Variants in DLGAP1 observed in about 807,000 individuals in gnomAD.
DLGAP1 encodes the protein DLG associated protein 1.
A neutral mutation model predicts 90.8 loss-of-function variants in DLGAP1; 11 were observed. The observed-to-expected ratio is 0.12, with a 90% CI of 0.08 to 0.20. DLGAP1 has a LOEUF of 0.20. DLGAP1 is among the 10% of genes least tolerant of loss of function. The pLI, the probability that DLGAP1 is intolerant of heterozygous loss-of-function variation, is 1.00. For synonymous variants in DLGAP1, 558 were observed against 540.7 expected, an observed-to-expected ratio of 1.03 and a Z score of -0.44; for missense variants, 1,050 against 1,333.8, an observed-to-expected ratio of 0.79 and a Z score of 3.31.
chr18:3,874,108 C>A, intron 4 of DLGAP1: 1 of 1,548,770 alleles, frequency 6.5e-7, no homozygotes, highest in Non-Finnish European at 8.7e-7. Flanking sequence ...CAAATCAACA[C>A]CACACTATTA....
intron 3 of DLGAP1, among the ~76,000 whole-genome samples, chr18:3,967,402 T>C (rs1004795668): frequency 9.9e-5 from 15 of 152,212 alleles, no homozygotes; most frequent in African/African-American, 3.6e-4. Flanking sequence ...TCTCAAGATG[T>C]GGTACTGCGA....
chr18:3,695,241 G>A (rs893641429), intron 7 of DLGAP1, among the ~76,000 whole-genome samples: 5 of 151,850 alleles, frequency 3.3e-5, no homozygotes, highest in African/African-American at 1.2e-4. Flanking sequence ...ACCAAGCCTG[G>A]CCTGCTTTTG....
chr18:3,531,978 C>T (rs998421762), intron 10 of DLGAP1, among the ~76,000 whole-genome samples: 6 of 152,134 alleles, frequency 3.9e-5, no homozygotes, highest in Non-Finnish European at 7.4e-5. Context: ...CCTCAGCCTC[C>T]TAAGTAGCTG....
rs552894028 is a variant in DLGAP1 at position 3,653,297 on chromosome 18, A to G, written c.1592-71049T>C. On this transcript the variant is annotated intron_variant, in intron 7 of 12. Transcript: ENST00000315677. The surrounding 1 kb of genome is among the most constrained non-coding windows in gnomAD (Gnocchi z 4.6). ...GTCTAGATGTTTCTCTCTGACCCCA[A>G]TTTTCTCGGAGTTTGGGATTATCAA... 85 of 151,892 alleles carry G rather than the reference A, an allele frequency of 5.6e-4. No homozygotes were observed. The highest frequency in any genetic ancestry group is 2.0e-3 in the African/African-American group (81 of 41,400). The allele number at this position is 151,892 out of a possible 1,614,324, so 9.4% of individuals were successfully genotyped here.
intron 7 of DLGAP1, among the ~76,000 whole-genome samples, chr18:3,587,461 A>G (rs1044252129): frequency 1.2e-4 from 18 of 152,168 alleles, no homozygotes; most frequent in Admixed American, 2.6e-4. Context: ...GTGTCTAGCT[A>G]AAGGATTGTA....
At chr18:3,731,189 T>A (rs536333217) in intron 6 of DLGAP1, among the ~76,000 whole-genome samples, 33 of 152,178 alleles carry the variant, frequency 2.2e-4, no homozygotes, top group African/African-American at 7.9e-4. Context: ...GACATATATA[T>A]AATATATGTA....
intron 1 of DLGAP1, among the ~76,000 whole-genome samples, chr18:4,194,252 G>A (rs982045548): frequency 6.6e-6 from 1 of 152,126 alleles, no homozygotes; most frequent in Non-Finnish European, 1.5e-5. Context: ...CTGAAAGCAC[G>A]CAGTATTTGG....
chr18:4,075,151 A>C (rs1486886405), intron 2 of DLGAP1, among the ~76,000 whole-genome samples: 2 of 152,194 alleles, frequency 1.3e-5, no homozygotes, highest in African/African-American at 4.8e-5. Context: ...CTTGACATTA[A>C]AATGCTTTTT....
chr18:3,686,093 T>C lies in DLGAP1; in HGVS notation c.1591+43042A>G, dbSNP rs374578437. On this transcript the variant is annotated intron_variant, in intron 7 of 12. Coordinates refer to ENST00000315677, the MANE Select transcript of DLGAP1 (RefSeq NM_004746.4). ...TTGGGAGGCTGAGGCAGGAGAATCA[T>C]GTGAACCCAGGAGGCAATGTTGCTG... Among the ~76,000 whole-genome samples, 20 of 152,150 alleles carry C rather than the reference T, an allele frequency of 1.3e-4. No individual in the cohort carries two copies. The East Asian group carries it at 3.9e-3, about 29-fold the overall frequency.
intron 2 of DLGAP1, among the ~76,000 whole-genome samples, chr18:4,148,659 G>A (rs1598485739): frequency 6.6e-6 from 1 of 152,292 alleles, no homozygotes; most frequent in Admixed American, 6.5e-5. Flanking sequence ...CCTAGCATCT[G>A]CTACGACTTT....
chr18:4,410,645 T>A (rs1213097999), intron 1 of DLGAP1, among the ~76,000 whole-genome samples: 30 of 151,492 alleles, frequency 2.0e-4, no homozygotes, highest in Non-Finnish European at 1.6e-4. Flanking sequence ...CAGTATCCGC[T>A]GATCCAGCAA....
At chr18:3,813,874 A>G (rs957841388) in intron 5 of DLGAP1, among the ~76,000 whole-genome samples, 185 bp downstream of exon 5, 3 of 152,242 alleles carry the variant, frequency 2.0e-5, no homozygotes, top group Non-Finnish European at 4.4e-5. Flanking sequence ...TGCAGAACAC[A>G]TCTGTTGCCT....
chr18:3,848,822 C>A (rs950343640), intron 4 of DLGAP1, among the ~76,000 whole-genome samples: 1 of 152,218 alleles, frequency 6.6e-6, no homozygotes, highest in Admixed American at 6.5e-5. Flanking sequence ...TGTCTTCTAA[C>A]CGATTCTCCT....
intron 5 of DLGAP1, among the ~76,000 whole-genome samples, chr18:3,792,085 G>T (rs1300056462): frequency 6.6e-6 from 1 of 152,196 alleles, no homozygotes; most frequent in Non-Finnish European, 1.5e-5. Context: ...TCATCGCACT[G>T]CAGAAGCCCT....
chr18:3,510,051 G>A (rs1219022965), intron 10 of DLGAP1, among the ~76,000 whole-genome samples: 1 of 152,112 alleles, frequency 6.6e-6, no homozygotes, highest in East Asian at 1.9e-4. Flanking sequence ...CAATTTTTCT[G>A]CTCTGCTTTT....
intron 1 of DLGAP1, among the ~76,000 whole-genome samples, chr18:4,391,267 CCCTT>C (rs2082334432): frequency 1.3e-5 from 2 of 152,270 alleles, no homozygotes; most frequent in South Asian, 4.1e-4. Context: ...ACTTTTCCCA[CCCTT>C]CCTTCATTTA....
intron 1 of DLGAP1, among the ~76,000 whole-genome samples, chr18:4,219,027 G>GTTTTT (rs34333673): frequency 7.6e-5 from 7 of 92,014 alleles, no homozygotes; most frequent in African/African-American, 1.8e-4. Flanking sequence ...TTCTATCTTT[G>GTTTTT]TTTTTTTTTT....
At chr18:4,075,104 T>C (rs1020103109) in intron 2 of DLGAP1, among the ~76,000 whole-genome samples, 1 of 152,296 alleles carries the variant, frequency 6.6e-6, no homozygotes, top group Middle Eastern at 3.4e-3. Flanking sequence ...AATTCACCAA[T>C]AGGATTTTCC....
intron 3 of DLGAP1, among the ~76,000 whole-genome samples, chr18:3,925,346 G>A (rs188452791): frequency 1.3e-4 from 20 of 149,638 alleles, no homozygotes; most frequent in Non-Finnish European, 2.5e-4. Context: ...TAGGACAGTT[G>A]TATTTTGCAT....
Sources: allele counts gnomAD v4.1 joint callset (sites outside exome capture counted in the v4.1 genomes callset), GRCh38; gene constraint gnomAD v4.1.1; non-coding constraint Gnocchi (gnomAD v3.1); transcripts MANE v1.5; gene names NCBI Gene and HGNC (gene_info 2026-07-23, HGNC 2026-07-21).